The following GCNT1 variants were observed in gnomAD, a reference collection of about 807,000 sequenced individuals.
GCNT1 encodes beta-1,3-galactosyl-O-glycosyl-glycoprotein beta-1,6-N-acetylglucosaminyltransferase.
A neutral mutation model predicts 26.2 loss-of-function variants in GCNT1; 16 were observed. The ratio of observed to expected loss-of-function variants is 0.61; its 90% CI spans 0.41 to 0.93. The LOEUF (loss-of-function observed/expected upper bound fraction) is 0.93, where lower values mean the gene tolerates loss of function less well. Among genes scored for constraint, GCNT1 ranks in the 40% least tolerant of loss-of-function variants. The pLI, the probability that GCNT1 is intolerant of heterozygous loss-of-function variation, is 0.00. For synonymous variants in GCNT1, 183 were observed against 190.8 expected, an observed-to-expected ratio of 0.96 and a Z score of 0.34; for missense variants, 477 against 526.7, an observed-to-expected ratio of 0.91 and a Z score of 0.92.
intron 1 of GCNT1, among the ~76,000 whole-genome samples, chr9:76,424,347 A>G (rs1823234224): frequency 6.6e-6 from 1 of 152,222 alleles, no homozygotes; most frequent in Non-Finnish European, 1.5e-5. Context: ...TTCTACCTGT[A>G]GTGCCTCTCC....
intron 1 of GCNT1, among the ~76,000 whole-genome samples, chr9:76,447,294 C>T (rs1456841715): frequency 2.0e-5 from 3 of 151,496 alleles, no homozygotes; most frequent in African/African-American, 4.9e-5. Flanking sequence ...GGCTGGAGTG[C>T]AGTGGCTTGA....
the GCNT1 span, among the ~76,000 whole-genome samples, chr9:76,395,079 C>T: frequency 6.6e-6 from 1 of 152,150 alleles, no homozygotes; most frequent in South Asian, 2.1e-4. Flanking sequence ...CCCCTCCAGG[C>T]TGTCTTCTTG....
At chr9:76,428,282 A>AAAAAAAAC (rs1823284991) in intron 1 of GCNT1, among the ~76,000 whole-genome samples, 1 of 142,978 alleles carries the variant, frequency 7.0e-6, no homozygotes, top group African/African-American at 2.5e-5. Context: ...AAAAAAAAAA[A>AAAAAAAAC]AAAAAAACTT....
In GCNT1 at chr9:76,503,659, A is replaced by G. The variant is rs756136033; in HGVS notation, c.1278A>G (p.Leu426=). 2 of 1,612,140 alleles carry G rather than the reference A, an allele frequency of 1.2e-6. No individual in the cohort carries two copies. The highest frequency in any genetic ancestry group is 3.3e-5 in the Admixed American group (2 of 60,010). ...EHLRHKALET[L]KH is the part of the protein sequence containing the mutation. ...TGAGACACAAAGCTTTGGAGACATT[A>G]AAACACTGACCATTACGGGCAATTT... Residue 426 remains leucine (L), a synonymous_variant, in exon 4 of 4, where the codon TTA becomes TTG. Transcript: ENST00000376730.
At chr9:76,501,590 C>T (rs1414967353) in intron 3 of GCNT1, among the ~76,000 whole-genome samples, 2 of 152,192 alleles carry the variant, frequency 1.3e-5, no homozygotes, top group Non-Finnish European at 2.9e-5. Flanking sequence ...CAGTCCCAAA[C>T]GGGGCTTTGT....
rs539957779 is a variant in GCNT1 at position 76,475,280 on chromosome 9, C to T, written c.-290+15103C>T. 1.2e-4 allele frequency among the ~76,000 whole-genome samples: 18 copies of T among 152,298 alleles called. No individual in the cohort carries two copies. The East Asian group carries it at 3.1e-3, about 26-fold the overall frequency. On this transcript the variant is annotated intron_variant, in intron 2 of 3. Coordinates refer to ENST00000376730, the MANE Select transcript of GCNT1 (RefSeq NM_001490.5). ...CAGGTTTATGAAGCTGTTTAAAGGG[C>T]ACATTCACAGCTTAGATCACAAATC...
At position 76,504,373 on chromosome 9, in the gene GCNT1, A is replaced by C; in HGVS notation, c.*705A>C. 1 of 180,770 alleles carries C rather than the reference A, an allele frequency of 5.5e-6. No individual in the cohort carries two copies. Among genetic ancestry groups the C allele is most frequent in the Non-Finnish European group, 1.3e-5 (1 of 77,460 alleles). 11.2% of individuals were successfully genotyped at this position (180,770 alleles called of 1,614,324 possible). ...ATCTTATGTTATTAGCAAGGTTAAGACATCTTTTTTAAAAAAATTATAGCT... is the reference window on the plus strand; with the variant it reads ...ATCTTATGTTATTAGCAAGGTTAAGCCATCTTTTTTAAAAAAATTATAGCT... On this transcript the variant is annotated 3_prime_UTR_variant, in exon 4 of 4. Coordinates refer to ENST00000376730, the MANE Select transcript of GCNT1 (RefSeq NM_001490.5).
chr9:76,438,137 G>C (rs1179274465), upstream of GCNT1, among the ~76,000 whole-genome samples: 1 of 152,240 alleles, frequency 6.6e-6, no homozygotes, highest in African/African-American at 2.4e-5. Context: ...CACAGCCTCA[G>C]GAGGTCCTGA....
chr9:76,488,553 C>T (rs943940256), intron 2 of GCNT1, among the ~76,000 whole-genome samples: 4 of 152,150 alleles, frequency 2.6e-5, no homozygotes, highest in Non-Finnish European at 4.4e-5. Flanking sequence ...GGCACAGTCT[C>T]CGCTCACTAC....
chr9:76,480,036 G>A (rs1054469933), intron 2 of GCNT1, among the ~76,000 whole-genome samples: 2 of 152,154 alleles, frequency 1.3e-5, no homozygotes, highest in Non-Finnish European at 2.9e-5. Context: ...TTTGTATAAG[G>A]TGTAAGGAAG....
the GCNT1 span, among the ~76,000 whole-genome samples, chr9:76,399,894 G>C: frequency 6.6e-6 from 1 of 152,222 alleles, no homozygotes; most frequent in Non-Finnish European, 1.5e-5. Context: ...ACTATTCTGT[G>C]CTAAAAAGAA....
chr9:76,496,302 A>C (rs1199082904), intron 2 of GCNT1, among the ~76,000 whole-genome samples: 2 of 152,244 alleles, frequency 1.3e-5, no homozygotes, highest in South Asian at 2.1e-4. Context: ...ACAAAGCAAC[A>C]CCACTCCTCC....
At chr9:76,430,612 C>G (rs1289464275) in intron 1 of GCNT1, among the ~76,000 whole-genome samples, 1 of 152,030 alleles carries the variant, frequency 6.6e-6, no homozygotes, top group East Asian at 1.9e-4. Flanking sequence ...TCATGAACTC[C>G]TGAGCTCAAG....
At chr9:76,417,524 A>T (rs1245346799), upstream of GCNT1, among the ~76,000 whole-genome samples, 2 of 152,234 alleles carry the variant, frequency 1.3e-5, no homozygotes, top group Non-Finnish European at 2.9e-5. Context: ...CAACTGAACA[A>T]AACAGGGAGG....
Position 76,505,876 on chromosome 9 carries a change from C to G in GCNT1, c.*2208C>G, listed in dbSNP as rs1483093088. On this transcript the variant is annotated 3_prime_UTR_variant, in exon 4 of 4. Transcript: ENST00000376730. ...AAATGTAAACATAGGATTTTAGAGT[C>G]TATTTCCCCAAGCGCCACATTATAA... The G allele has an allele frequency of 6.0e-6, 1 of 165,764 alleles. No homozygotes were observed. Among genetic ancestry groups the G allele is most frequent in the Admixed American group, 6.5e-5 (1 of 15,274 alleles). 10.3% of individuals were successfully genotyped at this position (165,764 alleles called of 1,614,324 possible).
intron 1 of GCNT1, among the ~76,000 whole-genome samples, chr9:76,435,262 G>C (rs1449452878): frequency 6.6e-6 from 1 of 152,036 alleles, no homozygotes; most frequent in African/African-American, 2.4e-5. Flanking sequence ...CTACTGATAT[G>C]TGATGTCACC....
the GCNT1 span, among the ~76,000 whole-genome samples, chr9:76,401,381 T>C: frequency 1.3e-5 from 2 of 152,198 alleles, no homozygotes; most frequent in Non-Finnish European, 2.9e-5. Context: ...TCTGCCTGCC[T>C]TGGCCTCCTG....
At chr9:76,453,857 C>G (rs1823710091) in intron 1 of GCNT1, among the ~76,000 whole-genome samples, 1 of 152,072 alleles carries the variant, frequency 6.6e-6, no homozygotes, top group South Asian at 2.1e-4. Flanking sequence ...TAGGTGAGTT[C>G]CAGTCTTGAG....
chr9:76,460,631 C>G (rs1281691573), intron 2 of GCNT1, among the ~76,000 whole-genome samples: 1 of 151,676 alleles, frequency 6.6e-6, no homozygotes, highest in Non-Finnish European at 1.5e-5. Context: ...TGTGTAGATA[C>G]CTGCTTTTTC....
Sources: allele counts gnomAD v4.1 joint callset (sites outside exome capture counted in the v4.1 genomes callset), GRCh38; gene constraint gnomAD v4.1.1; transcripts MANE v1.5; gene names NCBI Gene and HGNC (gene_info 2026-07-23, HGNC 2026-07-21).